DYRK1A: variants seen among roughly 807,000 people sequenced by gnomAD.
The protein encoded by DYRK1A is dual specificity tyrosine-phosphorylation-regulated kinase 1A.
A neutral mutation model predicts 79.7 loss-of-function variants in DYRK1A; 9 were observed. That is an observed-to-expected ratio of 0.11 (90% CI 0.07 to 0.20). The LOEUF (loss-of-function observed/expected upper bound fraction) is 0.20, where lower values mean the gene tolerates loss of function less well. Among genes scored for constraint, DYRK1A ranks in the 10% least tolerant of loss-of-function variants. The pLI, the probability that DYRK1A is intolerant of heterozygous loss-of-function variation, is 1.00. For synonymous variants in DYRK1A, 349 were observed against 329.7 expected (o/e 1.06, Z -0.63); for missense variants, 622 against 956.0 (o/e 0.65, Z 4.61).
At chr21:37,407,500 T>C (rs2050170156) in intron 1 of DYRK1A, among the ~76,000 whole-genome samples, 1 of 152,252 alleles carries the variant, frequency 6.6e-6, no homozygotes, top group Admixed American at 6.5e-5. Flanking sequence ...TTGAATATTA[T>C]GTTAACTTTG....
At chr21:37,380,005 G>A (rs567233639) in intron 1 of DYRK1A, among the ~76,000 whole-genome samples, 1 of 152,292 alleles carries the variant, frequency 6.6e-6, no homozygotes, top group Non-Finnish European at 1.5e-5. Flanking sequence ...TAAGGACTTA[G>A]TCTAGAATAG....
At chr21:37,511,833 A>T in intron 11 of DYRK1A, 78 bp from the exon 12 acceptor site, 1 of 1,474,824 alleles carries the variant, frequency 6.8e-7, no homozygotes, top group Non-Finnish European at 9.2e-7. Context: ...CTAGTTTGTT[A>T]GTGTCATGGC....
At chr21:37,406,585 C>G (rs896900632) in intron 1 of DYRK1A, among the ~76,000 whole-genome samples, 24 of 151,962 alleles carry the variant, frequency 1.6e-4, no homozygotes, top group African/African-American at 5.8e-4. Flanking sequence ...ATCTGTAATC[C>G]CAGCGACTTG....
rs2053898874 is a variant in DYRK1A, at chr21:37,518,088, C to G, written c.*5557C>G. 1 of 152,240 alleles carries G rather than the reference C, an allele frequency of 6.6e-6. No homozygotes were observed. Among genetic ancestry groups the G allele is most frequent in the African/African-American group, 2.4e-5 (1 of 41,438 alleles). The allele number at this position is 152,240 out of a possible 1,614,324, so 9.4% of individuals were successfully genotyped here. ...TAATACGGGGTTTTGCTGAGTTGCTCAGGCGCTCCTCAAACTGCTGGCCTC... is the reference window on the plus strand; with the variant it reads ...TAATACGGGGTTTTGCTGAGTTGCTGAGGCGCTCCTCAAACTGCTGGCCTC... On this transcript the variant is annotated 3_prime_UTR_variant, in exon 12 of 12. Coordinates refer to ENST00000647188, the MANE Select transcript of DYRK1A (RefSeq NM_001347721.2).
intron 3 of DYRK1A, among the ~76,000 whole-genome samples, chr21:37,474,175 G>C (rs2052320622): frequency 6.6e-6 from 1 of 152,076 alleles, no homozygotes; most frequent in Non-Finnish European, 1.5e-5. Flanking sequence ...TGCTCTTTCA[G>C]GTCTAACCTC....
At chr21:37,484,331 T>C (rs963925990) in intron 5 of DYRK1A, among the ~76,000 whole-genome samples, 13 of 144,974 alleles carry the variant, frequency 9.0e-5, no homozygotes, top group African/African-American at 3.3e-4. Flanking sequence ...ATAGGTCCCT[T>C]TTTTTTTTTT....
chr21:37,401,600 A>G (rs1421208140), intron 1 of DYRK1A, among the ~76,000 whole-genome samples: 4 of 148,748 alleles, frequency 2.7e-5, no homozygotes, highest in African/African-American at 1.0e-4. Flanking sequence ...CTCCTTTCTC[A>G]CCCTCCTGTG....
chr21:37,409,623 A>G (rs556884945), intron 1 of DYRK1A, among the ~76,000 whole-genome samples: 1 of 152,172 alleles, frequency 6.6e-6, no homozygotes, highest in East Asian at 1.9e-4. Context: ...TTCTTGGACC[A>G]TTTTTTTCCT....
chr21:37,372,078 T>G (rs1363591973), intron 1 of DYRK1A, among the ~76,000 whole-genome samples: 2 of 152,048 alleles, frequency 1.3e-5, no homozygotes, highest in East Asian at 1.9e-4. Context: ...CACAAAAGCT[T>G]TTGCATGTCC....
chr21:37,479,321 C>T (rs902010128), intron 4 of DYRK1A, among the ~76,000 whole-genome samples: 1 of 152,064 alleles, frequency 6.6e-6, no homozygotes, highest in Non-Finnish European at 1.5e-5. Context: ...CTGAATATAT[C>T]TGATAAATTG....
Position 37,400,829 on chromosome 21 carries a change from A to G in DYRK1A, c.-76-19470A>G, listed in dbSNP as rs569002044. ...AATATACTATGATTGTACCCTTTCT[A>G]AAGTTGCTTGGTTAAATCAAGGTTG... is the stretch of plus-strand genomic sequence containing the variant. On this transcript the variant is annotated intron_variant, in intron 1 of 11. Transcript: ENST00000647188. Among the ~76,000 whole-genome samples, 56 of 152,286 alleles carry G rather than the reference A, an allele frequency of 3.7e-4. No homozygotes were observed. In the East Asian group the frequency reaches 5.8e-3, roughly 16 times the overall value.
intron 2 of DYRK1A, chr21:37,430,207 TATAG>T: frequency 1.3e-6 from 1 of 784,578 alleles, no homozygotes; most frequent in South Asian, 5.9e-5. Flanking sequence ...CCAGCTTGTA[TATAG>T]GTATGTTCAC....
Position 37,513,505 on chromosome 21 carries a change from T to G in DYRK1A, c.*974T>G, listed in dbSNP as rs923647739. On this transcript the variant is annotated 3_prime_UTR_variant, in exon 12 of 12. Transcript: ENST00000647188. The stretch of plus-strand genomic sequence containing the variant: ...AGGCCTTTCTTTTAAAATAGACTTT[T>G]GTGACCCACTAATTGTAAGGTATTG... 3.3e-5 allele frequency: 5 copies of G among 152,800 alleles called. No homozygotes were observed. Among genetic ancestry groups the G allele is most frequent in the African/African-American group, 9.6e-5 (4 of 41,578 alleles). 9.5% of individuals were successfully genotyped at this position (152,800 alleles called of 1,614,324 possible).
At chr21:37,480,862 G>C (rs1208227970) in intron 5 of DYRK1A, 36 bp downstream of exon 5, 1 of 1,515,912 alleles carries the variant, frequency 6.6e-7, no homozygotes, top group South Asian at 1.3e-5. Context: ...TCATTAGTTA[G>C]AAAGAACTTC....
intron 3 of DYRK1A, among the ~76,000 whole-genome samples, chr21:37,474,570 C>T (rs1324010325): frequency 3.4e-4 from 52 of 152,182 alleles, no homozygotes; most frequent in Admixed American, 3.4e-3. Flanking sequence ...TTGGCCGGCT[C>T]ATGATCTGGT....
chr21:37,420,423 G>C (rs375986861), intron 2 of DYRK1A, 39 bp downstream of exon 2: 177 of 1,605,228 alleles, frequency 1.1e-4, no homozygotes, highest in Non-Finnish European at 1.4e-4. Flanking sequence ...CTCTGGCTAA[G>C]AGAATGTGGG....
At chr21:37,432,558 T>G (rs968025610) in intron 2 of DYRK1A, among the ~76,000 whole-genome samples, 2 of 152,188 alleles carry the variant, frequency 1.3e-5, no homozygotes, top group African/African-American at 2.4e-5. Flanking sequence ...GGCTTCAAAT[T>G]GAAAAATTTT....
intron 2 of DYRK1A, among the ~76,000 whole-genome samples, chr21:37,439,107 C>G (rs1448860126): frequency 6.6e-6 from 1 of 152,134 alleles, no homozygotes; most frequent in Non-Finnish European, 1.5e-5. Context: ...ACAGTACTAG[C>G]ACATAGAAAT....
chr21:37,480,872 C>A (rs368351710), intron 5 of DYRK1A, 46 bp downstream of exon 5: 2 of 1,469,190 alleles, frequency 1.4e-6, no homozygotes, highest in African/African-American at 1.4e-5. Flanking sequence ...GAAAGAACTT[C>A]TTAGTGAATC....
Sources: gnomAD v4.1 joint callset for allele counts (sites outside exome capture counted in the v4.1 genomes callset) on GRCh38, gnomAD v4.1.1 for gene constraint, MANE v1.5 for transcripts, NCBI Gene and HGNC (gene_info 2026-07-23, HGNC 2026-07-21) for gene names.